COG5: variants seen among roughly 807,000 people sequenced by gnomAD.
COG5 encodes component of oligomeric golgi complex 5.
A neutral mutation model predicts 110.4 loss-of-function variants in COG5; 86 were observed. That is an observed-to-expected ratio of 0.78 (90% CI 0.65 to 0.93). The LOEUF is 0.93. Ranked by LOEUF, COG5 falls within the 40% of genes least tolerant of loss-of-function variation. The pLI is 0.00. For missense variants in COG5, 1,077 were observed against 987.0 expected (o/e 1.09, Z -1.22); for synonymous variants, 360 against 334.6 (o/e 1.08, Z -0.83).
At chr7:107,376,439 G>A (rs1360765406) in intron 7 of COG5, among the ~76,000 whole-genome samples, 1 of 151,514 alleles carries the variant, frequency 6.6e-6, no homozygotes, top group African/African-American at 2.4e-5. Flanking sequence ...ATTTACTCAG[G>A]TCTTTAATTT....
At chr7:107,542,829 C>CA (rs914159244) in intron 5 of COG5, among the ~76,000 whole-genome samples, 39 of 151,980 alleles carry the variant, frequency 2.6e-4, no homozygotes, top group African/African-American at 9.2e-4. Context: ...AAAAAATAGC[C>CA]AAATGTGGTG....
chr7:107,282,856 C>T lies in COG5; in HGVS notation c.1475+715G>A, dbSNP rs146172700. On this transcript the variant is annotated intron_variant, in intron 13 of 21. Coordinates refer to ENST00000297135, the MANE Select transcript of COG5 (RefSeq NM_006348.5). The stretch of plus-strand genomic sequence containing the variant: ...TTACTCTTCCACGCCTCAGAATCAC[C>T]ATCTTCAAATCTTTAAAAGAATTTA... Among the ~76,000 whole-genome samples, 56 of 152,286 alleles carry T rather than the reference C, an allele frequency of 3.7e-4. No homozygotes were observed. In the East Asian group the frequency reaches 0.011, roughly 29 times the overall value.
intron 21 of COG5, chr7:107,208,293 TC>T (rs2116162004): frequency 1.0e-6 from 1 of 985,420 alleles, no homozygotes; most frequent in East Asian, 1.1e-4. Context: ...AGCATGATTT[TC>T]AGTTGCTAAA....
chr7:107,406,691 A>G (rs960076394), intron 7 of COG5, among the ~76,000 whole-genome samples: 2 of 152,222 alleles, frequency 1.3e-5, no homozygotes, highest in Non-Finnish European at 2.9e-5. Context: ...TGTTAAATTT[A>G]TCCAACCCTA....
intron 6 of COG5, among the ~76,000 whole-genome samples, chr7:107,516,222 T>A (rs146223317): frequency 6.6e-6 from 1 of 152,212 alleles, no homozygotes; most frequent in African/African-American, 2.4e-5. Context: ...ATTTCCCTAA[T>A]GCCTAACGAT....
chr7:107,513,018 A>G lies in COG5; in HGVS notation c.538+14219T>C, dbSNP rs1209077509. 4.6e-5 allele frequency among the ~76,000 whole-genome samples: 7 copies of G among 152,286 alleles called. No individual in the cohort carries two copies. In the East Asian group the frequency reaches 1.2e-3, roughly 25 times the overall value. On this transcript the variant is annotated intron_variant, in intron 6 of 21. Coordinates refer to ENST00000297135, the MANE Select transcript of COG5 (RefSeq NM_006348.5). ...ACTTCATGTCTAAAACACCAAAAGC[A>G]ATGGCAACAAAAGACAAAATTGACA...
At chr7:107,239,204 T>C (rs1157588475) in intron 17 of COG5, among the ~76,000 whole-genome samples, 1 of 152,234 alleles carries the variant, frequency 6.6e-6, no homozygotes, top group Non-Finnish European at 1.5e-5. Flanking sequence ...CTAATACATA[T>C]TTATTATTGA....
chr7:107,508,611 C>T (rs1331423855), intron 6 of COG5, among the ~76,000 whole-genome samples: 1 of 152,230 alleles, frequency 6.6e-6, no homozygotes. Flanking sequence ...CCCGAGCAGC[C>T]TAACTGGGAG....
rs201751258 is a variant in COG5 at position 107,548,357 on chromosome 7, G to T, written c.293-25C>A. 3,343 of 1,609,940 alleles carry T rather than the reference G, an allele frequency of 2.1e-3. 5 individuals are homozygous for T. Among genetic ancestry groups the T allele is most frequent in the Non-Finnish European group, 2.7e-3 (3,160 of 1,176,260 alleles). Reference sequence around the variant, plus strand: ...CCTAGGAAAACATAAGTTTACATTGGCTTTACAAATTTACAGGGCATCCAA... The same window carrying T: ...CCTAGGAAAACATAAGTTTACATTGTCTTTACAAATTTACAGGGCATCCAA... On this transcript the variant is annotated intron_variant, in intron 3 of 21. Coordinates refer to ENST00000297135, the MANE Select transcript of COG5 (RefSeq NM_006348.5).
intron 11 of COG5, among the ~76,000 whole-genome samples, chr7:107,303,245 T>C (rs1807431461): frequency 1.3e-5 from 2 of 152,002 alleles, no homozygotes; most frequent in African/African-American, 4.8e-5. Flanking sequence ...GGGGACAGTA[T>C]CATTTTCACA....
chr7:107,441,647 T>C (rs1170476545), intron 6 of COG5, among the ~76,000 whole-genome samples: 1 of 152,204 alleles, frequency 6.6e-6, no homozygotes, highest in African/African-American at 2.4e-5. Flanking sequence ...TCAGTTCAAG[T>C]GCCAGCTCCA....
At chr7:107,512,671 G>A (rs200189439) in intron 6 of COG5, among the ~76,000 whole-genome samples, 54 of 152,158 alleles carry the variant, frequency 3.5e-4, no homozygotes, top group African/African-American at 1.1e-3. Context: ...AGTAACCAAA[G>A]CAGCATGGTA....
intron 19 of COG5, among the ~76,000 whole-genome samples, chr7:107,218,320 A>C (rs1004502113): frequency 6.6e-6 from 1 of 152,124 alleles, no homozygotes. Flanking sequence ...GAAAATTCCA[A>C]TGTCTTTTTC....
intron 6 of COG5, among the ~76,000 whole-genome samples, chr7:107,421,051 C>CA (rs1018806976): frequency 1.3e-5 from 2 of 152,122 alleles, no homozygotes; most frequent in African/African-American, 4.8e-5. Context: ...TTGGCTACCA[C>CA]AAAAAATTGC....
rs374761349 is a variant in COG5 at position 107,563,837 on chromosome 7, C to T, written c.60G>A (p.Ala20=). 2.5e-6 allele frequency: 4 copies of T among 1,613,688 alleles called. No homozygotes were observed. The highest frequency in any genetic ancestry group is 1.7e-5 in the Admixed American group (1 of 60,002). The stretch of plus-strand genomic sequence containing the variant: ...GAAGTTCCCGGACTGTAGCTGCAGC[C>T]GCTCCAGAGCCTCGAGCTCCGAGGC... The part of the protein sequence containing the change: ...VAGLGARGSG[A]AAATVRELLQ... The change falls in exon 1 of 22, where the codon GCG becomes GCA. Residue 20 remains alanine (A), a synonymous_variant. Coordinates refer to ENST00000297135, the MANE Select transcript of COG5 (RefSeq NM_006348.5).
chr7:107,478,975 A>C (rs935412946), intron 6 of COG5, among the ~76,000 whole-genome samples: 2 of 152,088 alleles, frequency 1.3e-5, no homozygotes, highest in Non-Finnish European at 2.9e-5. Flanking sequence ...TGATTCAATT[A>C]GCATTTAAAA....
At chr7:107,426,653 A>T (rs1793661240) in intron 6 of COG5, among the ~76,000 whole-genome samples, 1 of 152,174 alleles carries the variant, frequency 6.6e-6, no homozygotes, top group South Asian at 2.1e-4. Context: ...ACTTCTCAAA[A>T]GCCCTTCCTC....
At chr7:107,218,999 C>T (rs1473444934) in intron 19 of COG5, among the ~76,000 whole-genome samples, 1 of 151,830 alleles carries the variant, frequency 6.6e-6, no homozygotes, top group Admixed American at 6.6e-5. Flanking sequence ...ACAAAAATGG[C>T]AAGAAAACTA....
At chr7:107,312,253 A>G (rs1299777044) in intron 11 of COG5, among the ~76,000 whole-genome samples, 5 of 152,222 alleles carry the variant, frequency 3.3e-5, no homozygotes, top group African/African-American at 1.2e-4. Flanking sequence ...ATTAATAAAG[A>G]CTTTAAATAT....
Sources: gnomAD v4.1 joint callset for allele counts (sites outside exome capture counted in the v4.1 genomes callset) on GRCh38, gnomAD v4.1.1 for gene constraint, MANE v1.5 for transcripts, NCBI Gene and HGNC (gene_info 2026-07-23, HGNC 2026-07-21) for gene names.